The following LMTK2 variants were observed in gnomAD, a reference collection of about 807,000 sequenced individuals.
The protein encoded by LMTK2 is serine/threonine-protein kinase LMTK2.
A neutral mutation model predicts 127.5 loss-of-function variants in LMTK2; 37 were observed. That is an observed-to-expected ratio of 0.29 (90% confidence interval 0.22 to 0.38). The LOEUF is 0.38. Ranked by LOEUF, LMTK2 falls within the 10% of genes least tolerant of loss-of-function variation. The probability of loss-of-function intolerance (pLI) is 1.00; values close to 1 mark genes in which losing one functional copy is unlikely to be tolerated. For missense variants in LMTK2, 1,694 were observed against 1,920.3 expected, an observed-to-expected ratio of 0.88 and a Z score of 2.20; for synonymous variants, 819 against 810.1, an observed-to-expected ratio of 1.01 and a Z score of -0.19.
At chr7:98,134,502 T>G (rs1291218589) in intron 1 of LMTK2, among the ~76,000 whole-genome samples, 1 of 152,004 alleles carries the variant, frequency 6.6e-6, no homozygotes, top group Non-Finnish European at 1.5e-5. Flanking sequence ...GCATCGGGAG[T>G]GAAGCACAGT....
At chr7:98,153,577 T>C (rs1331119219) in intron 4 of LMTK2, among the ~76,000 whole-genome samples, 1 of 152,188 alleles carries the variant, frequency 6.6e-6, no homozygotes, top group East Asian at 1.9e-4. Flanking sequence ...GTTTTACTCC[T>C]CAAGGAGCAA....
In LMTK2 at chr7:98,107,294, C is replaced by T. The variant is rs776897122; in HGVS notation, c.103+14C>T. 4.0e-5 allele frequency: 47 copies of T among 1,169,968 alleles called. No homozygotes were observed. The African/African-American group carries it at 6.8e-4, about 17-fold the overall frequency. The allele number at this position is 1,169,968 out of a possible 1,614,324, so 72.5% of individuals were successfully genotyped here. A position where few individuals can be genotyped will look rare whatever the true frequency, so the allele number is the denominator to read the frequency against. ...AAACAGGTGCAGGTGAGCGGGCCCG[C>T]GGCGGGGACGGGGCTGCGGGGTCTT... On this transcript the variant is annotated intron_variant, in intron 1 of 13. Transcript: ENST00000297293.
intron 1 of LMTK2, among the ~76,000 whole-genome samples, chr7:98,108,856 CTTTTTT>C (rs11345679): frequency 9.9e-5 from 10 of 100,776 alleles, no homozygotes; most frequent in African/African-American, 2.5e-4. Flanking sequence ...TGCCTGCACA[CTTTTTT>C]TTTTTTTTTT....
At position 98,107,264 on chromosome 7, in the gene LMTK2, T is replaced by C; in HGVS notation, c.87T>C (p.Leu29=). ...LIAGSAGAAP[L]PQTGAGEAPP... The stretch of plus-strand genomic sequence containing the variant: ...CCGGCAGTGCTGGGGCCGCGCCACT[T>C]CCGCAAACAGGTGCAGGTGAGCGGG... Residue 29 remains leucine (L), a synonymous_variant, in exon 1 of 14, where the codon CTT becomes CTC. Coordinates refer to ENST00000297293, the MANE Select transcript of LMTK2 (RefSeq NM_014916.4). The C allele has an allele frequency of 7.0e-7, 1 of 1,426,036 alleles. No individual in the cohort carries two copies. Among genetic ancestry groups the C allele is most frequent in the Non-Finnish European group, 9.1e-7 (1 of 1,094,762 alleles). The allele number at this position is 1,426,036 out of a possible 1,614,324, so 88.3% of individuals were successfully genotyped here. A position where few individuals can be genotyped will look rare whatever the true frequency, so the allele number is the denominator to read the frequency against.
chr7:98,113,428 G>T (rs1478252665), intron 1 of LMTK2, among the ~76,000 whole-genome samples: 1 of 152,010 alleles, frequency 6.6e-6, no homozygotes, highest in Non-Finnish European at 1.5e-5. Flanking sequence ...TTATAGCACT[G>T]TAAGAATGGA....
rs1216571118 is a variant in LMTK2 at position 98,186,065 on chromosome 7, T to C, written c.877-812T>C. 2.6e-5 allele frequency among the ~76,000 whole-genome samples: 4 copies of C among 152,028 alleles called. No homozygotes were observed. The East Asian group carries it at 7.7e-4, about 29-fold the overall frequency. On this transcript the variant is annotated intron_variant, in intron 8 of 13. Coordinates refer to ENST00000297293, the MANE Select transcript of LMTK2 (RefSeq NM_014916.4). ...TGCCTGTATCCTGCATCATCTCTTT[T>C]TTTTTTTTTTCTTTTTTTGAGATGG...
At chr7:98,189,864 TAGC>T (rs1300998677) in intron 9 of LMTK2, among the ~76,000 whole-genome samples, 1 of 152,134 alleles carries the variant, frequency 6.6e-6, no homozygotes, top group Non-Finnish European at 1.5e-5. Flanking sequence ...CCCTTCAGAA[TAGC>T]AGCAAAACCC....
At position 98,191,945 on chromosome 7, in the gene LMTK2, C is replaced by G. The variant is rs1797532037; in HGVS notation, c.1480C>G (p.Leu494Val). Reference sequence around the variant, plus strand: ...CTTTGACGAGCGCAGCCGGGGCCACCTGGACGAAGGCTTGTCCTACACGAG... The same window carrying G: ...CTTTGACGAGCGCAGCCGGGGCCACGTGGACGAAGGCTTGTCCTACACGAG... ...DHFDERSRGHLDEGLSYTSIF... is the reference protein window; with the variant it reads ...DHFDERSRGHVDEGLSYTSIF... The change falls in exon 11 of 14, where the codon CTG becomes GTG. Residue 494 changes from leucine (L) to valine (V), a missense_variant. Physicochemically the swap from Leu to Val is conservative, Grantham distance 32. Coordinates refer to ENST00000297293, the MANE Select transcript of LMTK2 (RefSeq NM_014916.4). The G allele has an allele frequency of 6.2e-7, 1 of 1,613,974 alleles. No individual in the cohort carries two copies. Among genetic ancestry groups the G allele is most frequent in the African/African-American group, 1.3e-5 (1 of 74,888 alleles).
At chr7:98,189,604 G>T (rs1039656694) in intron 9 of LMTK2, among the ~76,000 whole-genome samples, 1 of 152,096 alleles carries the variant, frequency 6.6e-6, no homozygotes, top group Admixed American at 6.6e-5. Flanking sequence ...AGTCACGTTC[G>T]GGAACATTGC....
chr7:98,111,680 T>C (rs748935787), intron 1 of LMTK2, among the ~76,000 whole-genome samples: 14 of 152,222 alleles, frequency 9.2e-5, no homozygotes, highest in Non-Finnish European at 1.3e-4. Context: ...GTTTCAGATT[T>C]CTTTGTAAAT....
At chr7:98,182,364 T>C (rs1329089137) in intron 7 of LMTK2, among the ~76,000 whole-genome samples, 1 of 152,180 alleles carries the variant, frequency 6.6e-6, no homozygotes, top group East Asian at 1.9e-4. Context: ...ATATAAAGCA[T>C]ATATGGAGAA....
chr7:98,179,581 C>G (rs537152100), intron 7 of LMTK2, among the ~76,000 whole-genome samples: 1 of 149,948 alleles, frequency 6.7e-6, no homozygotes, highest in Admixed American at 6.7e-5. Context: ...CCTCCTCCCT[C>G]TCTCCCTCCT....
rs1421847011 is a variant in LMTK2 at position 98,106,879 on chromosome 7, A to C, written c.-299A>C. On this transcript the variant is annotated 5_prime_UTR_variant, in exon 1 of 14. Coordinates refer to ENST00000297293, the MANE Select transcript of LMTK2 (RefSeq NM_014916.4). Reference sequence around the variant, plus strand: ...CGCGCTACGTCACATGACGCAGCCCATCATGGCGGCGGGAGCGCGGCTTCC... The same window carrying C: ...CGCGCTACGTCACATGACGCAGCCCCTCATGGCGGCGGGAGCGCGGCTTCC... The C allele has an allele frequency of 2.2e-6, 1 of 445,846 alleles. No homozygotes were observed. Among genetic ancestry groups the C allele is most frequent in the Admixed American group, 4.4e-5 (1 of 22,802 alleles). 27.6% of individuals were successfully genotyped at this position (445,846 alleles called of 1,614,324 possible). A position where few individuals can be genotyped will look rare whatever the true frequency, so the allele number is the denominator to read the frequency against.
intron 1 of LMTK2, among the ~76,000 whole-genome samples, chr7:98,116,048 C>T (rs1266913333): frequency 3.9e-5 from 6 of 151,962 alleles, no homozygotes; most frequent in Non-Finnish European, 7.4e-5. Context: ...CCATGCTTGG[C>T]CAATTTTTAC....
At chr7:98,164,126 C>T (rs138977218) in intron 6 of LMTK2, among the ~76,000 whole-genome samples, 1 of 152,234 alleles carries the variant, frequency 6.6e-6, no homozygotes. Context: ...GAAAACTCCT[C>T]TGAGTGCATT....
intron 6 of LMTK2, among the ~76,000 whole-genome samples, chr7:98,165,769 A>G (rs964212102): frequency 2.6e-5 from 4 of 152,128 alleles, no homozygotes; most frequent in African/African-American, 9.7e-5. Flanking sequence ...ATTTCTCCTC[A>G]GGCACCGGGC....
chr7:98,107,354 G>A, intron 1 of LMTK2, 74 bp downstream of exon 1: 2 of 935,350 alleles, frequency 2.1e-6, no homozygotes, highest in Admixed American at 4.4e-5. Context: ...GGGCCGGGCC[G>A]GCCTCGGCGC....
At chr7:98,110,384 C>T (rs1054207342) in intron 1 of LMTK2, among the ~76,000 whole-genome samples, 3 of 152,098 alleles carry the variant, frequency 2.0e-5, no homozygotes, top group East Asian at 1.9e-4. Flanking sequence ...TTGCCCCCTA[C>T]GCCCGCCCCG....
chr7:98,203,565 A>C lies in LMTK2; in HGVS notation c.4108-9A>C. The C allele has an allele frequency of 6.3e-7, 1 of 1,576,718 alleles. No individual in the cohort carries two copies. Among genetic ancestry groups the C allele is most frequent in the Non-Finnish European group, 8.6e-7 (1 of 1,167,902 alleles). On this transcript the variant is annotated splice_polypyrimidine_tract_variant and intron_variant, in intron 11 of 13. Coordinates refer to ENST00000297293, the MANE Select transcript of LMTK2 (RefSeq NM_014916.4). Reference sequence around the variant, plus strand: ...CTTTGCTGACAGGAGTTTCTGTTTGACTTTTCAGGAGACCCCAACCAAAGA... The same window carrying C: ...CTTTGCTGACAGGAGTTTCTGTTTGCCTTTTCAGGAGACCCCAACCAAAGA...
Sources: gnomAD v4.1 joint callset for allele counts (sites outside exome capture counted in the v4.1 genomes callset) on GRCh38, gnomAD v4.1.1 for gene constraint, MANE v1.5 for transcripts, NCBI Gene and HGNC (gene_info 2026-07-23, HGNC 2026-07-21) for gene names.